The following SLC9A7 variants were observed in gnomAD, a reference collection of about 807,000 sequenced individuals.
SLC9A7 encodes the protein solute carrier family 9 member A7, also known as sodium/hydrogen exchanger 7.
In SLC9A7, 19 loss-of-function variants were observed where a neutral mutation model predicts 52.6. The ratio of observed to expected loss-of-function variants is 0.36; its 90% CI spans 0.25 to 0.53. SLC9A7 has a LOEUF of 0.53. Ranked by LOEUF, SLC9A7 falls within the 20% of genes least tolerant of loss-of-function variation. The pLI is 0.91. For synonymous variants in SLC9A7, 226 were observed against 252.1 expected, an observed-to-expected ratio of 0.90 and a Z score of 0.98; for missense variants, 455 against 597.9, an observed-to-expected ratio of 0.76 and a Z score of 2.49.
intron 6 of SLC9A7, 132 bp downstream of exon 6, chrX:46,662,400 TATCCAC>T: frequency 1.9e-6 from 1 of 530,200 alleles, no homozygotes; most frequent in Non-Finnish European, 3.1e-6. Context: ...AACGTAATTT[TATCCAC>T]AAAGCTGATA....
intron 3 of SLC9A7, among the ~76,000 whole-genome samples, chrX:46,677,488 G>A (rs922623384): frequency 8.9e-6 from 1 of 112,377 alleles, no homozygotes; most frequent in Non-Finnish European, 1.9e-5. Context: ...GTTTATCGAT[G>A]AGTTGGAAAC....
At chrX:46,649,684 C>T (rs1210829337) in intron 10 of SLC9A7, among the ~76,000 whole-genome samples, 1 of 112,513 alleles carries the variant, frequency 8.9e-6, no homozygotes. Context: ...GAAGCCAGGG[C>T]GGAACTATCT....
chrX:46,640,068 AT>A (rs1470502535), intron 12 of SLC9A7, among the ~76,000 whole-genome samples: 1 of 112,078 alleles, frequency 8.9e-6, no homozygotes, highest in Non-Finnish European at 1.9e-5. Flanking sequence ...ACCCAGCAAG[AT>A]TTTTTTTACA....
At chrX:46,675,530 G>C (rs1461147577) in intron 3 of SLC9A7, among the ~76,000 whole-genome samples, 2 of 112,034 alleles carry the variant, frequency 1.8e-5, no homozygotes, top group African/African-American at 6.5e-5. Flanking sequence ...AACTCCCATA[G>C]CTCTTGTTAC....
At chrX:46,703,524 T>C (rs1602249461) in intron 1 of SLC9A7, among the ~76,000 whole-genome samples, 1 of 112,405 alleles carries the variant, frequency 8.9e-6, no homozygotes, top group South Asian at 3.6e-4. Flanking sequence ...CTTGACTTTC[T>C]GTTTGTTAGC....
In SLC9A7 at chrX:46,672,590, T is replaced by A. The variant is rs972897665; in HGVS notation, c.641A>T (p.Tyr214Phe). 5.8e-6 allele frequency: 7 copies of A among 1,205,544 alleles called. No homozygotes were observed. Among genetic ancestry groups the A allele is most frequent in the Non-Finnish European group, 7.9e-6 (7 of 891,295 alleles). ...FFRNLGSILA[Y>F]AFLGTAVSCF... ...TGAAACAGCAGTCCCCAAGAAGGCATAGGCCAGTATAGATCCAAGATTTCT... is the reference window on the plus strand; with the variant it reads ...TGAAACAGCAGTCCCCAAGAAGGCAAAGGCCAGTATAGATCCAAGATTTCT... The change falls in exon 4 of 17, where the codon TAT becomes TTT. Residue 214 changes from tyrosine (Y) to phenylalanine (F), a missense_variant. By Grantham distance (22) the Tyr-to-Phe change is conservative. Transcript: ENST00000616978.
intron 14 of SLC9A7, 25 bp from the exon 15 acceptor site, chrX:46,621,084 G>A (rs1943038923): frequency 5.6e-6 from 6 of 1,069,306 alleles, no homozygotes; most frequent in Non-Finnish European, 7.8e-6. Context: ...GAGGGCACAT[G>A]CTTAGTTGTA....
chrX:46,649,117 TAAA>T (rs1943543117), intron 10 of SLC9A7, among the ~76,000 whole-genome samples: 2 of 111,619 alleles, frequency 1.8e-5, no homozygotes, highest in South Asian at 7.4e-4. Context: ...TAAATCTATC[TAAA>T]AAGGAGTCCA....
chrX:46,615,332 C>T (rs1942928223), intron 15 of SLC9A7, among the ~76,000 whole-genome samples: 1 of 112,224 alleles, frequency 8.9e-6, no homozygotes, highest in Non-Finnish European at 1.9e-5. Context: ...TGAGCCAACG[C>T]GCCCGGCCTG....
At chrX:46,708,724 C>T (rs1203753522) in intron 1 of SLC9A7, among the ~76,000 whole-genome samples, 1 of 111,407 alleles carries the variant, frequency 9.0e-6, no homozygotes, top group East Asian at 2.8e-4. Flanking sequence ...TGCAGAGAAA[C>T]GAAAAATGTC....
chrX:46,661,975 C>T (rs907219445), intron 7 of SLC9A7, 41 bp downstream of exon 7: 10 of 1,118,098 alleles, frequency 8.9e-6, no homozygotes, highest in African/African-American at 3.7e-5. Flanking sequence ...TAATGCCACA[C>T]ACGCATACCC....
At chrX:46,625,010 G>A (rs1943102194) in intron 14 of SLC9A7, among the ~76,000 whole-genome samples, 2 of 111,628 alleles carry the variant, frequency 1.8e-5, no homozygotes. Flanking sequence ...GGTGGCGAGG[G>A]TTGGGGGGTA....
chrX:46,748,566 TACACACAC>T lies in SLC9A7; in HGVS notation c.325+10131_325+10138del, dbSNP rs753550243. On this transcript the variant is annotated intron_variant, in intron 1 of 16. Transcript: ENST00000616978. ...TGGAGTGTGTGTGTGTGTGTGCGTG[TACACACAC>T]ACACACACACACACACACACTGCAG... is the stretch of plus-strand genomic sequence containing the variant. Among the ~76,000 whole-genome samples, 151 of 92,627 alleles carry T rather than the reference TACACACAC, an allele frequency of 1.6e-3. 1 individual carries two copies. Among genetic ancestry groups the T allele is most frequent in the Admixed American group, 3.5e-3 (29 of 8,265 alleles). The allele number at this position is 92,627 out of a possible 115,157, so 80.4% of individuals were successfully genotyped here. A position where few individuals can be genotyped will look rare whatever the true frequency, so the allele number is the denominator to read the frequency against.
intron 1 of SLC9A7, among the ~76,000 whole-genome samples, chrX:46,716,328 C>G (rs768626661): frequency 8.9e-6 from 1 of 111,954 alleles, no homozygotes; most frequent in South Asian, 3.7e-4. Flanking sequence ...CAGCCAGTTT[C>G]TTTATTAAAA....
At chrX:46,665,781 G>C (rs938432745) in intron 5 of SLC9A7, among the ~76,000 whole-genome samples, 1 of 110,726 alleles carries the variant, frequency 9.0e-6, no homozygotes, top group Non-Finnish European at 1.9e-5. Flanking sequence ...CAGGGTCTCT[G>C]TCGCCTAGGC....
chrX:46,705,418 T>C (rs1185603239), intron 1 of SLC9A7, among the ~76,000 whole-genome samples: 1 of 111,920 alleles, frequency 8.9e-6, no homozygotes, highest in East Asian at 2.8e-4. Context: ...GCATCATACC[T>C]CCCAGGGGAA....
intron 14 of SLC9A7, among the ~76,000 whole-genome samples, chrX:46,623,779 C>T (rs1374422190): frequency 4.5e-5 from 5 of 112,080 alleles, no homozygotes; most frequent in Non-Finnish European, 9.4e-5. Flanking sequence ...CATAAAACTC[C>T]TAAAACCCTT....
At chrX:46,749,819 A>G (rs1261124320) in intron 1 of SLC9A7, among the ~76,000 whole-genome samples, 1 of 111,396 alleles carries the variant, frequency 9.0e-6, no homozygotes, top group African/African-American at 3.3e-5. Flanking sequence ...CAGTAGTCAC[A>G]CCTGTAATCC....
intron 3 of SLC9A7, among the ~76,000 whole-genome samples, chrX:46,674,048 A>C (rs1306228029): frequency 9.0e-6 from 1 of 111,642 alleles, no homozygotes; most frequent in African/African-American, 3.3e-5. Context: ...TCCCTTTAAA[A>C]TCTCCATAAA....
Sources: gnomAD v4.1 joint callset for allele counts (sites outside exome capture counted in the v4.1 genomes callset) on GRCh38, gnomAD v4.1.1 for gene constraint, MANE v1.5 for transcripts, NCBI Gene and HGNC (gene_info 2026-07-23, HGNC 2026-07-21) for gene names.